The following MBD5 variants were observed in gnomAD, a reference collection of about 807,000 sequenced individuals.
MBD5 encodes the protein methyl-CpG binding domain protein 5.
MBD5 carries 13 observed loss-of-function variants against 117.3 expected under a neutral mutation model. The ratio of observed to expected loss-of-function variants is 0.11; its 90% CI spans 0.07 to 0.18. The LOEUF (loss-of-function observed/expected upper bound fraction) is 0.18. Among genes scored for constraint, MBD5 ranks in the 10% least tolerant of loss-of-function variants. MBD5 has a pLI of 1.00. For missense variants in MBD5, 1,879 were observed against 2,093.8 expected (o/e 0.90, Z 2.00); for synonymous variants, 727 against 766.4 (o/e 0.95, Z 0.85).
chr2:148,259,867 A>G (rs1394805231), intron 3 of MBD5, among the ~76,000 whole-genome samples: 1 of 152,188 alleles, frequency 6.6e-6, no homozygotes, highest in Non-Finnish European at 1.5e-5. Flanking sequence ...ACTGAAGCGC[A>G]GCCATTTCCC....
At chr2:148,240,097 A>G (rs543147626) in intron 3 of MBD5, among the ~76,000 whole-genome samples, 1 of 152,202 alleles carries the variant, frequency 6.6e-6, no homozygotes, top group Non-Finnish European at 1.5e-5. Flanking sequence ...TTAAAAAAGG[A>G]TGAGTTCATG....
At chr2:148,240,235 G>A (rs1700184754) in intron 3 of MBD5, among the ~76,000 whole-genome samples, 2 of 152,118 alleles carry the variant, frequency 1.3e-5, no homozygotes, top group African/African-American at 2.4e-5. Flanking sequence ...CTTGGACACA[G>A]GGTGGGGAAC....
At chr2:148,327,693 C>T (rs1324814904) in intron 3 of MBD5, among the ~76,000 whole-genome samples, 1 of 151,878 alleles carries the variant, frequency 6.6e-6, no homozygotes, top group Non-Finnish European at 1.5e-5. Context: ...TCAGCTCCAT[C>T]AGCTCCTTTA....
chr2:148,144,924 A>G (rs903642325), intron 1 of MBD5, among the ~76,000 whole-genome samples: 20 of 152,270 alleles, frequency 1.3e-4, no homozygotes, highest in Non-Finnish European at 2.4e-4. Flanking sequence ...TTGACTTGGC[A>G]ATGCGGGCTC....
intron 3 of MBD5, among the ~76,000 whole-genome samples, chr2:148,305,439 T>A (rs1179341188): frequency 6.6e-6 from 1 of 152,208 alleles, no homozygotes; most frequent in African/African-American, 2.4e-5. Context: ...CCAAGATTAA[T>A]GTCTACAAAC....
intron 2 of MBD5, among the ~76,000 whole-genome samples, chr2:148,187,842 T>G (rs1698706535): frequency 6.6e-6 from 1 of 152,120 alleles, no homozygotes; most frequent in Non-Finnish European, 1.5e-5. Context: ...TTCAGAAGAA[T>G]GAAGAGCCCC....
At chr2:148,328,689 C>T (rs1328333606) in intron 3 of MBD5, among the ~76,000 whole-genome samples, 5 of 152,194 alleles carry the variant, frequency 3.3e-5, no homozygotes, top group Non-Finnish European at 7.3e-5. Flanking sequence ...AATGCCTCAC[C>T]CTGCTTTGGC....
At chr2:148,325,076 G>C (rs1702406994) in intron 3 of MBD5, among the ~76,000 whole-genome samples, 1 of 152,122 alleles carries the variant, frequency 6.6e-6, no homozygotes, top group Non-Finnish European at 1.5e-5. Context: ...GGCCTTTTCT[G>C]CATCTATTGA....
At chr2:148,078,934 G>C (rs560842809) in intron 1 of MBD5, among the ~76,000 whole-genome samples, 1 of 152,130 alleles carries the variant, frequency 6.6e-6, no homozygotes, top group Admixed American at 6.6e-5. Context: ...ATTGTTCATG[G>C]AGACAAGTGC....
At chr2:148,174,904 A>G (rs1316450345) in intron 1 of MBD5, among the ~76,000 whole-genome samples, 1 of 152,166 alleles carries the variant, frequency 6.6e-6, no homozygotes. Context: ...TCAATAAACT[A>G]AAAATAGAAT....
intron 1 of MBD5, among the ~76,000 whole-genome samples, chr2:148,142,220 G>T (rs1437495178): frequency 1.3e-5 from 2 of 152,108 alleles, no homozygotes; most frequent in African/African-American, 4.8e-5. Context: ...CAGAACTGAA[G>T]GATATGAGTC....
intron 2 of MBD5, among the ~76,000 whole-genome samples, chr2:148,229,866 C>G (rs1238121970): frequency 6.6e-6 from 1 of 152,172 alleles, no homozygotes; most frequent in Admixed American, 6.5e-5. Context: ...TGGAGTCTGT[C>G]TGTCCCACCC....
chr2:148,504,537 A>C (rs1351508205), intron 12 of MBD5, among the ~76,000 whole-genome samples: 3 of 152,220 alleles, frequency 2.0e-5, no homozygotes, highest in African/African-American at 7.2e-5. Context: ...TAGCAAAAAA[A>C]ATCTGTGCCA....
At chr2:148,209,508 A>T (rs1028348995) in intron 2 of MBD5, among the ~76,000 whole-genome samples, 1 of 151,018 alleles carries the variant, frequency 6.6e-6, no homozygotes, top group African/African-American at 2.4e-5. Context: ...TGAGCAATAA[A>T]CTTCTTTTTT....
intron 1 of MBD5, among the ~76,000 whole-genome samples, chr2:148,066,597 C>T (rs1314994805): frequency 6.6e-6 from 1 of 151,662 alleles, no homozygotes; most frequent in African/African-American, 2.4e-5. Context: ...CCTGTCTCAG[C>T]CTCCTGAATA....
At chr2:148,220,159 T>G (rs955883029) in intron 2 of MBD5, 7 of 152,158 alleles carry the variant, frequency 4.6e-5, no homozygotes, top group African/African-American at 1.7e-4. Context: ...TAAATACTGT[T>G]TATCATATTT....
intron 3 of MBD5, among the ~76,000 whole-genome samples, chr2:148,331,751 A>G (rs1702662774): frequency 6.6e-6 from 1 of 152,136 alleles, no homozygotes; most frequent in Non-Finnish European, 1.5e-5. Flanking sequence ...CACAGTTAGG[A>G]TAAGTTTGTT....
chr2:148,444,222 T>C (rs1314522479), intron 4 of MBD5, among the ~76,000 whole-genome samples: 3 of 151,452 alleles, frequency 2.0e-5, no homozygotes, highest in African/African-American at 7.4e-5. Flanking sequence ...GGACATACTT[T>C]TCAGTGGTTT....
chr2:148,051,060 A>G lies in MBD5; in HGVS notation c.-925+29376A>G, dbSNP rs956344053. Among the ~76,000 whole-genome samples the G allele has an allele frequency of 1.6e-4, 25 of 152,050 alleles. 1 individual carries two copies. The highest frequency in any genetic ancestry group is 1.4e-3 in the Admixed American group (21 of 15,270). On this transcript the variant is annotated intron_variant, in intron 1 of 13. Transcript: ENST00000642680. Reference sequence around the variant, plus strand: ...GTAACTCTTCCAGTCCATGAACAGTATGTCTTTTCATTTCTGTACATTTCC... The same window carrying G: ...GTAACTCTTCCAGTCCATGAACAGTGTGTCTTTTCATTTCTGTACATTTCC...
Sources: allele counts gnomAD v4.1 joint callset (sites outside exome capture counted in the v4.1 genomes callset), GRCh38; gene constraint gnomAD v4.1.1; transcripts MANE v1.5; gene names NCBI Gene and HGNC (gene_info 2026-07-23, HGNC 2026-07-21).